The following MRTFB variants were observed in gnomAD, a reference collection of about 807,000 sequenced individuals.
MRTFB encodes the protein myocardin-related transcription factor B.
A neutral mutation model predicts 104.2 loss-of-function variants in MRTFB; 29 were observed. The ratio of observed to expected loss-of-function variants is 0.28; its 90% confidence interval spans 0.21 to 0.38. The LOEUF (loss-of-function observed/expected upper bound fraction) is 0.38. MRTFB is among the 10% of genes least tolerant of loss of function. MRTFB has a pLI of 1.00. For synonymous variants in MRTFB, 535 were observed against 519.5 expected (o/e 1.03, Z -0.41); for missense variants, 1,270 against 1,341.6 (o/e 0.95, Z 0.83).
chr16:14,026,900 C>T, the MRTFB span, among the ~76,000 whole-genome samples: 32 of 152,024 alleles, frequency 2.1e-4, no homozygotes, highest in Non-Finnish European at 4.6e-4. Context: ...AATTGACATA[C>T]CAAGTGCTGG....
At chr16:14,090,493 G>A (rs547163116) in intron 2 of MRTFB, among the ~76,000 whole-genome samples, 2 of 152,312 alleles carry the variant, frequency 1.3e-5, no homozygotes, top group African/African-American at 2.4e-5. Context: ...GGGATCCAGA[G>A]GTGAGTGGGA....
At chr16:14,231,569 G>T (rs2042269215) in intron 8 of MRTFB, among the ~76,000 whole-genome samples, 2 of 152,148 alleles carry the variant, frequency 1.3e-5, no homozygotes, top group South Asian at 4.1e-4. Context: ...CCCAGTGTGT[G>T]TTGTTCCCCT....
At chr16:14,050,189 A>G in the MRTFB span, among the ~76,000 whole-genome samples, 1 of 152,228 alleles carries the variant, frequency 6.6e-6, no homozygotes, top group Admixed American at 6.5e-5. Flanking sequence ...ACACACAGAA[A>G]TGTGGCAAAA....
At chr16:14,062,157 A>G in the MRTFB span, among the ~76,000 whole-genome samples, 1 of 152,134 alleles carries the variant, frequency 6.6e-6, no homozygotes, top group African/African-American at 2.4e-5. Context: ...CAGTGGCACA[A>G]TCACAGCTCA....
chr16:14,146,041 A>G (rs1437062208), intron 3 of MRTFB, among the ~76,000 whole-genome samples: 1 of 152,232 alleles, frequency 6.6e-6, no homozygotes, highest in Non-Finnish European at 1.5e-5. Flanking sequence ...TGGTGAATTT[A>G]AGGTTTTAAG....
At chr16:14,230,980 G>A (rs1461304721) in intron 8 of MRTFB, among the ~76,000 whole-genome samples, 3 of 151,642 alleles carry the variant, frequency 2.0e-5, no homozygotes, top group East Asian at 3.9e-4. Flanking sequence ...CATGTCCTTT[G>A]TAGGGACATG....
rs144558833 is a variant in MRTFB, at chr16:14,198,555, G to C, written c.155-11688G>C. On this transcript the variant is annotated intron_variant, in intron 3 of 16. Transcript: ENST00000571589. The stretch of plus-strand genomic sequence containing the variant: ...CTCCCCCTGGCTGTTGCCTTTACTA[G>C]TTGGAGCATTTCGGTAATGCATAAC... Among the ~76,000 whole-genome samples, 151 of 152,310 alleles carry C rather than the reference G, an allele frequency of 9.9e-4. 1 individual carries two copies. The highest frequency in any genetic ancestry group is 8.4e-3 in the Admixed American group (128 of 15,310).
At position 14,252,539 on chromosome 16, in the gene MRTFB, G is replaced by C. The variant is rs757372852; in HGVS notation, c.2703+37G>C. The C allele has an allele frequency of 1.9e-6, 3 of 1,611,890 alleles. No individual in the cohort carries two copies. The East Asian group carries it at 6.7e-5, about 36-fold the overall frequency. On this transcript the variant is annotated intron_variant, in intron 15 of 16. Coordinates refer to ENST00000571589, the MANE Select transcript of MRTFB (RefSeq NM_001308142.2). ...CACGGTCATGGTGCATAAGGCTATG[G>C]TGGATGTGCCCACGTTCAGTCTCGA... is the stretch of plus-strand genomic sequence containing the variant.
Position 14,108,771 on chromosome 16 carries a change from G to T in MRTFB, c.-64+29417G>T, listed in dbSNP as rs7188534. Among the ~76,000 whole-genome samples, 6 of 152,254 alleles carry T rather than the reference G, an allele frequency of 3.9e-5. No homozygotes were observed. The East Asian group carries it at 1.2e-3, about 29-fold the overall frequency. On this transcript the variant is annotated intron_variant, in intron 2 of 16. Transcript: ENST00000571589. ...GTAGTTATTGGTGAACTTATTATGT[G>T]TGTGTTCATATGTTTTAATCAAAAT...
chr16:14,031,941 T>G, the MRTFB span, among the ~76,000 whole-genome samples: 133,878 of 152,180 alleles, frequency 0.88, 59,031 homozygotes, highest in Non-Finnish European at 0.9. Context: ...TCAAATAGCT[T>G]GGATTACAGG....
the MRTFB span, among the ~76,000 whole-genome samples, chr16:14,029,396 A>G: frequency 8.0e-6 from 1 of 125,662 alleles, no homozygotes; most frequent in African/African-American, 3.2e-5. Flanking sequence ...ACGGAGCAAG[A>G]CTCTGTCTTA....
At chr16:14,193,210 C>CAAAAAAA (rs10616011) in intron 3 of MRTFB, among the ~76,000 whole-genome samples, 6 of 56,438 alleles carry the variant, frequency 1.1e-4, no homozygotes, top group Non-Finnish European at 1.8e-4. Context: ...GACCCTGTCT[C>CAAAAAAA]AAAAAAAAAA....
chr16:14,217,919 T>C (rs931956179), intron 7 of MRTFB, among the ~76,000 whole-genome samples: 2 of 152,228 alleles, frequency 1.3e-5, no homozygotes, highest in African/African-American at 4.8e-5. Context: ...GTTTCTCTTT[T>C]TGTTTCTGGC....
the MRTFB span, among the ~76,000 whole-genome samples, chr16:14,028,713 C>G: frequency 6.6e-6 from 1 of 152,246 alleles, no homozygotes; most frequent in Admixed American, 6.5e-5. Context: ...GATCTTGGAA[C>G]AAGTCACTTC....
the MRTFB span, among the ~76,000 whole-genome samples, chr16:14,029,087 G>A: frequency 6.6e-6 from 1 of 151,964 alleles, no homozygotes; most frequent in Non-Finnish European, 1.5e-5. Flanking sequence ...AGGAGGCCAA[G>A]GCAGGAGGAT....
chr16:14,242,294 G>A (rs1013758760), intron 10 of MRTFB, among the ~76,000 whole-genome samples: 2 of 152,018 alleles, frequency 1.3e-5, no homozygotes, highest in African/African-American at 4.8e-5. Context: ...TTCCATTAAG[G>A]CTTCAATTCC....
intron 8 of MRTFB, among the ~76,000 whole-genome samples, chr16:14,222,571 GGT>G (rs1491504204): frequency 1.8e-5 from 1 of 54,870 alleles, no homozygotes; most frequent in Non-Finnish European, 9.4e-5. Context: ...TCCCTGTTTA[GGT>G]TTTTTTTTTT....
At chr16:14,200,241 T>C (rs2040622899) in intron 3 of MRTFB, 2 of 1,341,412 alleles carry the variant, frequency 1.5e-6, no homozygotes, top group Admixed American at 4.4e-5. Flanking sequence ...ATATGAATAA[T>C]ACATCCATAT....
chr16:14,135,434 C>G (rs992471811), intron 2 of MRTFB, among the ~76,000 whole-genome samples: 8 of 152,198 alleles, frequency 5.3e-5, no homozygotes, highest in Non-Finnish European at 1.2e-4. Context: ...ATGCAGCATT[C>G]AGCACAGTAA....
Sources: gnomAD v4.1 joint callset for allele counts (sites outside exome capture counted in the v4.1 genomes callset) on GRCh38, gnomAD v4.1.1 for gene constraint, MANE v1.5 for transcripts, NCBI Gene and HGNC (gene_info 2026-07-23, HGNC 2026-07-21) for gene names.